PI4KB: variants seen among roughly 807,000 people sequenced by gnomAD.
PI4KB encodes the protein phosphatidylinositol 4-kinase beta, also known as PtdIns 4-kinase beta.
PI4KB carries 23 observed loss-of-function variants against 81.4 expected under a neutral mutation model. The observed-to-expected ratio is 0.28, with a 90% CI of 0.20 to 0.40. The LOEUF is 0.40. Among genes scored for constraint, PI4KB ranks in the 10% least tolerant of loss-of-function variants. The pLI is 1.00. For synonymous variants in PI4KB, 381 were observed against 406.8 expected (o/e 0.94, Z 0.76); for missense variants, 651 against 1,036.6 (o/e 0.63, Z 5.11).
Position 151,294,438 on chromosome 1 carries a change from C to G in PI4KB, c.2119G>C (p.Ala707Pro), listed in dbSNP as rs1282935713. The change falls in exon 10 of 12, where the codon GCC becomes CCC. Residue 707 changes from alanine to proline, a missense_variant. Ala to Pro is a conservative substitution (Grantham distance 27, BLOSUM62 -1). Coordinates refer to ENST00000368873, the MANE Select transcript of PI4KB (RefSeq NM_001369623.2). The stretch of plus-strand genomic sequence containing the variant: ...ACAAACTCTGTGGTCAGCTTAAAGG[C>G]TGACGTCTCAAAGCCCAGATTTCGG... ...SPRNLGFETS[A>P]FKLTTEFVDV... 1 of 1,613,998 alleles carries G rather than the reference C, an allele frequency of 6.2e-7. No individual in the cohort carries two copies.
rs1355148556 is a variant in PI4KB at position 151,316,150 on chromosome 1, C to T, written c.332G>A (p.Gly111Asp). ...CCGTCTTCTTGCTCCTTTGGCTGTGCCTGAGGCCACAGCGGCCCCCATCTC... is the reference window on the plus strand; with the variant it reads ...CCGTCTTCTTGCTCCTTTGGCTGTGTCTGAGGCCACAGCGGCCCCCATCTC... The part of the protein sequence containing the change: ...EDEMGAAVAS[G>D]TAKGARRRRQ... The change falls in exon 2 of 12, where the codon GGC becomes GAC. Residue 111 changes from glycine (G) to aspartate (D), a missense_variant. Transcript: ENST00000368873. 1.2e-6 allele frequency: 2 copies of T among 1,613,938 alleles called. No individual in the cohort carries two copies. The highest frequency in any genetic ancestry group is 1.7e-6 in the Non-Finnish European group (2 of 1,179,896).
chr1:151,321,201 A>G (rs1476420294), intron 1 of PI4KB, among the ~76,000 whole-genome samples: 1 of 152,168 alleles, frequency 6.6e-6, no homozygotes. Context: ...AGGAAAAAAC[A>G]GACTCCTCTC....
chr1:151,324,742 C>G, intron 1 of PI4KB: 1 of 985,366 alleles, frequency 1.0e-6, no homozygotes, highest in Non-Finnish European at 1.2e-6. Context: ...CCTGTGCACT[C>G]ACCTCTCTCT....
intron 1 of PI4KB, among the ~76,000 whole-genome samples, chr1:151,325,238 C>T (rs1649452995): frequency 1.3e-5 from 2 of 152,092 alleles, no homozygotes; most frequent in Non-Finnish European, 2.9e-5. Context: ...GGTGATCTGC[C>T]TGCCTCGGCC....
chr1:151,314,008 G>A (rs1457077767), intron 2 of PI4KB, among the ~76,000 whole-genome samples: 1 of 152,252 alleles, frequency 6.6e-6, no homozygotes, highest in Non-Finnish European at 1.5e-5. Context: ...AGGATTAAAT[G>A]TAAAGTACTT....
At chr1:151,326,207 C>A in intron 1 of PI4KB, 1 of 1,607,442 alleles carries the variant, frequency 6.2e-7, no homozygotes, top group Middle Eastern at 1.7e-4. Flanking sequence ...CTGTTCATCC[C>A]TCTTAGTGGC....
At position 151,312,900 on chromosome 1, in the gene PI4KB, C is replaced by T. The variant is rs113712950; in HGVS notation, c.910-2645G>A. Among the ~76,000 whole-genome samples the T allele has an allele frequency of 9.2e-5, 14 of 152,140 alleles. 1 individual carries two copies. The highest frequency in any genetic ancestry group is 3.4e-4 in the African/African-American group (14 of 41,492). ...AGGTGTGGTGGTACATAGCTGTAGC[C>T]CCAGGTACTTGGGAGGCTAAGATGG... On this transcript the variant is annotated intron_variant, in intron 2 of 11. Transcript: ENST00000368873.
chr1:151,293,002 G>A lies in PI4KB; in HGVS notation c.2301C>T (p.Ser767=). The change falls in exon 12 of 12, where the codon AGC becomes AGT. Residue 767 remains serine, a synonymous_variant. Transcript: ENST00000368873. ...ACCTCTCTTTGAGGTTTCGAATGGTGCTGGAGCCATGGAAGCAAGGAAGCT... is the reference window on the plus strand; with the variant it reads ...ACCTCTCTTTGAGGTTTCGAATGGTACTGGAGCCATGGAAGCAAGGAAGCT... The part of the protein sequence containing the change: ...GSQLPCFHGS[S]TIRNLKERFH... The A allele has an allele frequency of 1.2e-6, 2 of 1,614,154 alleles. No homozygotes were observed. Among genetic ancestry groups the A allele is most frequent in the Non-Finnish European group, 1.7e-6 (2 of 1,180,006 alleles).
At chr1:151,294,178 A>G (rs201267730) in intron 10 of PI4KB, 40 bp from the exon 11 acceptor site, 1 of 1,593,160 alleles carries the variant, frequency 6.3e-7, no homozygotes, top group Admixed American at 1.7e-5. Context: ...AAGGGGTCTT[A>G]CACCGGGGAT....
chr1:151,303,762 C>T, intron 5 of PI4KB, 112 bp from the exon 6 acceptor site: 1 of 752,456 alleles, frequency 1.3e-6, no homozygotes, highest in Non-Finnish European at 2.4e-6. Context: ...TCAAACTCTG[C>T]TTACACACCA....
intron 11 of PI4KB, 90 bp downstream of exon 11, chr1:151,293,928 T>C: frequency 1.4e-6 from 2 of 1,448,144 alleles, no homozygotes; most frequent in Non-Finnish European, 1.9e-6. Context: ...CTCAACCGAG[T>C]CTCGTGGGAT....
Position 151,294,423 on chromosome 1 carries a change from T to C in PI4KB, c.2134A>G (p.Thr712Ala), listed in dbSNP as rs144699802. The C allele has an allele frequency of 1.9e-6, 3 of 1,613,534 alleles. No individual in the cohort carries two copies. In the African/African-American group the frequency reaches 4.0e-5, roughly 22 times the overall value. The change falls in exon 10 of 12, where the codon ACA becomes GCA. Residue 712 changes from threonine to alanine, a missense_variant. This residue lies in a region of PI4KB where 19 missense variants were observed against 77.8 expected (regional missense o/e 0.24). Transcript: ENST00000368873. ...GFETSAFKLT[T>A]EFVDVMGGLD... ...TCTTGACTCACATCCACAAACTCTG[T>C]GGTCAGCTTAAAGGCTGACGTCTCA...
chr1:151,299,107 T>C (rs968458738), intron 8 of PI4KB, 34 bp from the exon 9 acceptor site: 3 of 1,595,584 alleles, frequency 1.9e-6, no homozygotes, highest in Non-Finnish European at 2.6e-6. Flanking sequence ...AGGACTCTTA[T>C]CTTTCTCCAA....
In PI4KB at chr1:151,316,176, A is replaced by G; in HGVS notation, c.306T>C (p.Asp102=). ...DPPAQIREEE[D]EMGAAVASGT... The stretch of plus-strand genomic sequence containing the variant: ...CTGAGGCCACAGCGGCCCCCATCTC[A>G]TCTTCCTCCTCCCTGATCTGGGCAG... The change falls in exon 2 of 12, where the codon GAT becomes GAC. Residue 102 remains aspartate, a synonymous_variant. Transcript: ENST00000368873. The G allele has an allele frequency of 1.2e-6, 2 of 1,613,790 alleles. No individual in the cohort carries two copies. Among genetic ancestry groups the G allele is most frequent in the Non-Finnish European group, 1.7e-6 (2 of 1,179,862 alleles).
chr1:151,323,850 G>A (rs904192473), intron 1 of PI4KB, among the ~76,000 whole-genome samples: 3 of 152,134 alleles, frequency 2.0e-5, no homozygotes, highest in Non-Finnish European at 4.4e-5. Flanking sequence ...TTAACTCTGC[G>A]AGAACAGGAG....
chr1:151,317,378 G>A (rs1229473333), intron 1 of PI4KB, among the ~76,000 whole-genome samples: 8 of 150,284 alleles, frequency 5.3e-5, no homozygotes, highest in East Asian at 2.0e-4. Flanking sequence ...GTGCAGTGGC[G>A]CGATCAGAAC....
intron 9 of PI4KB, among the ~76,000 whole-genome samples, chr1:151,298,048 G>A (rs1055790303): frequency 1.3e-5 from 2 of 152,168 alleles, no homozygotes; most frequent in African/African-American, 4.8e-5. Context: ...TGTACATTAT[G>A]TGCCTCACCT....
At chr1:151,294,234 G>A in intron 10 of PI4KB, 96 bp from the exon 11 acceptor site, 1 of 1,514,648 alleles carries the variant, frequency 6.6e-7, no homozygotes, top group Non-Finnish European at 8.9e-7. Flanking sequence ...TCCTCTTGGG[G>A]CCCTGTTATT....
intron 3 of PI4KB, among the ~76,000 whole-genome samples, chr1:151,308,038 G>A (rs994341455): frequency 6.6e-6 from 1 of 152,204 alleles, no homozygotes; most frequent in Non-Finnish European, 1.5e-5. Flanking sequence ...GAGGCCATGA[G>A]TCCAGGTAAC....
Sources: gnomAD v4.1 joint callset for allele counts (sites outside exome capture counted in the v4.1 genomes callset) on GRCh38, gnomAD v4.1.1 for gene constraint, gnomAD v4.1.1 regional missense constraint, MANE v1.5 for transcripts, NCBI Gene and HGNC (gene_info 2026-07-23, HGNC 2026-07-21) for gene names.